DOCK9: variants seen among roughly 807,000 people sequenced by gnomAD.
DOCK9 encodes dedicator of cytokinesis protein 9.
In DOCK9, 89 loss-of-function variants were observed where a neutral mutation model predicts 263.3. The observed-to-expected ratio is 0.34, with a 90% CI of 0.28 to 0.40. The LOEUF is 0.40. DOCK9 is among the 10% of genes least tolerant of loss of function. The probability of loss-of-function intolerance (pLI) is 1.00; values close to 1 mark genes in which losing one functional copy is unlikely to be tolerated. For synonymous variants in DOCK9, 976 were observed against 973.1 expected (o/e 1.00, Z -0.06); for missense variants, 2,140 against 2,603.4 (o/e 0.82, Z 3.87).
chr13:98,903,150 T>A (rs1479655888), intron 10 of DOCK9, 38 bp from the exon 11 acceptor site: 2 of 1,431,104 alleles, frequency 1.4e-6, no homozygotes, highest in South Asian at 1.5e-5. Context: ...TAAGTTATGC[T>A]CTTATTTTAA....
chr13:99,001,806 C>A (rs1040204590), intron 1 of DOCK9, among the ~76,000 whole-genome samples: 11 of 152,204 alleles, frequency 7.2e-5, no homozygotes, highest in African/African-American at 1.9e-4. Flanking sequence ...AGGGGCTCCC[C>A]CTATGGTCTC....
At chr13:98,997,977 T>C (rs1433190045) in intron 1 of DOCK9, among the ~76,000 whole-genome samples, 1 of 152,212 alleles carries the variant, frequency 6.6e-6, no homozygotes, top group African/African-American at 2.4e-5. Context: ...TTTCTCAGAC[T>C]AGGGCTGAGG....
At chr13:98,955,597 A>AT in intron 1 of DOCK9, 46 bp from the exon 2 acceptor site, 1 of 1,297,398 alleles carries the variant, frequency 7.7e-7, no homozygotes, top group Non-Finnish European at 1.1e-6. Context: ...CACAAATGCC[A>AT]TTTCTTAAGA....
chr13:98,869,756 C>G (rs1165505577), intron 27 of DOCK9, among the ~76,000 whole-genome samples: 1 of 152,262 alleles, frequency 6.6e-6, no homozygotes, highest in African/African-American at 2.4e-5. Flanking sequence ...GTCTAACTTA[C>G]CACTAGGTAT....
chr13:98,966,991 C>T (rs1403637827), intron 1 of DOCK9, among the ~76,000 whole-genome samples: 1 of 152,244 alleles, frequency 6.6e-6, no homozygotes, highest in African/African-American at 2.4e-5. Flanking sequence ...GCCTCACAGT[C>T]TGTGTTAACA....
At chr13:98,855,096 T>TATG (rs1334643122) in intron 34 of DOCK9, among the ~76,000 whole-genome samples, 4 of 152,204 alleles carry the variant, frequency 2.6e-5, no homozygotes, top group Non-Finnish European at 2.9e-5. Flanking sequence ...GAGCACTTAG[T>TATG]AGTTTCAAGA....
At chr13:98,997,456 A>C (rs187577079) in intron 1 of DOCK9, among the ~76,000 whole-genome samples, 5 of 152,336 alleles carry the variant, frequency 3.3e-5, no homozygotes, top group Admixed American at 2.0e-4. Flanking sequence ...ATCTGTAAAG[A>C]AGACCTCTCT....
chr13:99,006,878 G>C (rs1339499879), intron 1 of DOCK9, among the ~76,000 whole-genome samples: 1 of 151,514 alleles, frequency 6.6e-6, no homozygotes, highest in Admixed American at 6.6e-5. Flanking sequence ...AATTACTTGA[G>C]TTCAGGAGTT....
intron 1 of DOCK9, among the ~76,000 whole-genome samples, chr13:98,996,154 T>A (rs1880989637): frequency 6.6e-6 from 1 of 152,168 alleles, no homozygotes; most frequent in Non-Finnish European, 1.5e-5. Flanking sequence ...CAAACAGAGA[T>A]GACCACATAT....
At chr13:99,088,162 G>A (rs1369940103), upstream of DOCK9, 1 of 152,354 alleles carries the variant, frequency 6.6e-6, no homozygotes, top group East Asian at 1.9e-4. Context: ...GGTGGGGACT[G>A]CAGGATGTAG....
In DOCK9 at chr13:98,825,909, G is replaced by A. The variant is rs1392052555; in HGVS notation, c.5023+921C>T. 3 of 1,555,178 alleles carry A rather than the reference G, an allele frequency of 1.9e-6. No homozygotes were observed. Among genetic ancestry groups the A allele is most frequent in the Non-Finnish European group, 2.6e-6 (3 of 1,149,570 alleles). ...TCCTCAGGCAGGCGCTATGGCTGTG[G>A]GGGAGAAGGGGCGGCTCCCACTGGA... On this transcript the variant is annotated intron_variant, in intron 44 of 52. Coordinates refer to ENST00000682017, the MANE Select transcript of DOCK9 (RefSeq NM_001366683.2). This position sits in a 1 kb window ranked among gnomAD's most constrained non-coding sequence, Gnocchi z 4.1.
At position 98,868,495 on chromosome 13, in the gene DOCK9, G is replaced by A. The variant is rs2094104771; in HGVS notation, c.2944-118C>T. The A allele has an allele frequency of 4.3e-5, 51 of 1,195,830 alleles. No individual in the cohort carries two copies. The South Asian group carries it at 7.9e-4, about 19-fold the overall frequency. The allele number at this position is 1,195,830 out of a possible 1,614,324, so 74.1% of individuals were successfully genotyped here. A position where few individuals can be genotyped will look rare whatever the true frequency, so the allele number is the denominator to read the frequency against. The stretch of plus-strand genomic sequence containing the variant: ...CCCAGAGTTTCTAGCTGGGTGCTGT[G>A]GCTCACACTTGTAACCCCAGCACTT... On this transcript the variant is annotated intron_variant, in intron 27 of 52. Coordinates refer to ENST00000682017, the MANE Select transcript of DOCK9 (RefSeq NM_001366683.2).
intron 34 of DOCK9, among the ~76,000 whole-genome samples, chr13:98,855,017 A>T (rs1398406977): frequency 6.6e-6 from 1 of 152,214 alleles, no homozygotes; most frequent in Non-Finnish European, 1.5e-5. Flanking sequence ...GCCCAAAGTG[A>T]TACCAATCTA....
intron 39 of DOCK9, among the ~76,000 whole-genome samples, chr13:98,835,573 T>TCAGG (rs958873451): frequency 3.3e-5 from 5 of 152,256 alleles, no homozygotes; most frequent in African/African-American, 1.2e-4. Context: ...GTCTCAGGGA[T>TCAGG]CAGGCCCTTT....
chr13:99,087,305 G>A (rs915326118), upstream of DOCK9, among the ~76,000 whole-genome samples: 31 of 152,334 alleles, frequency 2.0e-4, no homozygotes, highest in African/African-American at 6.5e-4. Flanking sequence ...ACTCCGGCCC[G>A]CCGGGACGGC....
intron 1 of DOCK9, among the ~76,000 whole-genome samples, chr13:99,037,921 T>C (rs533835784): frequency 6.6e-6 from 1 of 152,306 alleles, no homozygotes; most frequent in Admixed American, 6.5e-5. Context: ...AGATCTGTGT[T>C]AGATTACCTA....
intron 10 of DOCK9, among the ~76,000 whole-genome samples, chr13:98,903,619 A>AG (rs1566919363): frequency 1.2e-5 from 1 of 82,602 alleles, no homozygotes; most frequent in East Asian, 2.3e-4. Context: ...AAAAAAAAAA[A>AG]GACAAAAAAA....
chr13:98,993,973 G>A (rs1329949616), intron 1 of DOCK9, among the ~76,000 whole-genome samples: 1 of 152,152 alleles, frequency 6.6e-6, no homozygotes, highest in Non-Finnish European at 1.5e-5. Flanking sequence ...AAGTTGTAAT[G>A]TGAGATTGCG....
chr13:98,843,076 C>A (rs998054986), intron 38 of DOCK9, among the ~76,000 whole-genome samples: 1 of 152,216 alleles, frequency 6.6e-6, no homozygotes, highest in African/African-American at 2.4e-5. Flanking sequence ...CTGCTCCCTG[C>A]TGGTCAAGCT....
Sources: gnomAD v4.1 joint callset for allele counts (sites outside exome capture counted in the v4.1 genomes callset) on GRCh38, gnomAD v4.1.1 for gene constraint, Gnocchi (gnomAD v3.1) non-coding constraint, MANE v1.5 for transcripts, NCBI Gene and HGNC (gene_info 2026-07-23, HGNC 2026-07-21) for gene names.